SRBD1: variants seen among roughly 807,000 people sequenced by gnomAD.
SRBD1 encodes the protein S1 RNA-binding domain-containing protein 1.
A neutral mutation model predicts 115.3 loss-of-function variants in SRBD1; 88 were observed. That is an observed-to-expected ratio of 0.76 (90% CI 0.64 to 0.91). The LOEUF (loss-of-function observed/expected upper bound fraction) is 0.91. SRBD1 is among the 40% of genes least tolerant of loss of function. The probability of loss-of-function intolerance (pLI) is 0.00; values close to 1 mark genes in which losing one functional copy is unlikely to be tolerated. For synonymous variants in SRBD1, 509 were observed against 407.7 expected (o/e 1.25, Z -2.99); for missense variants, 1,385 against 1,177.4 (o/e 1.18, Z -2.58).
At chr2:45,562,569 T>C in intron 10 of SRBD1, 84 bp downstream of exon 10, 1 of 1,073,866 alleles carries the variant, frequency 9.3e-7, no homozygotes, top group Non-Finnish European at 1.3e-6. Flanking sequence ...GTAATAGACA[T>C]CTTTACATAT....
intron 11 of SRBD1, 98 bp downstream of exon 11, chr2:45,553,525 T>C: frequency 2.7e-6 from 2 of 743,618 alleles, no homozygotes; most frequent in East Asian, 6.1e-5. Flanking sequence ...TTCTTTCGAT[T>C]GGTTAATCAA....
intron 11 of SRBD1, 114 bp from the exon 12 acceptor site, chr2:45,551,396 T>C: frequency 1.8e-6 from 2 of 1,093,400 alleles, no homozygotes; most frequent in Non-Finnish European, 2.6e-6. Flanking sequence ...ATTATAACAA[T>C]ATAACTTAAG....
intron 7 of SRBD1, among the ~76,000 whole-genome samples, chr2:45,575,372 C>G (rs1673144795): frequency 6.6e-6 from 1 of 152,196 alleles, no homozygotes; most frequent in Non-Finnish European, 1.5e-5. Flanking sequence ...AGCAATGAAT[C>G]TTGTAAATCA....
chr2:45,493,538 C>T (rs761712324), intron 14 of SRBD1, among the ~76,000 whole-genome samples: 41 of 152,060 alleles, frequency 2.7e-4, no homozygotes, highest in African/African-American at 4.1e-4. Context: ...AGGCCAGGCA[C>T]GGTGGCACAC....
chr2:45,389,984 C>CT (rs201315742), intron 20 of SRBD1, among the ~76,000 whole-genome samples: 65 of 151,092 alleles, frequency 4.3e-4, no homozygotes, highest in African/African-American at 9.5e-4. Context: ...AGACTGGAAG[C>CT]TTTTTTTTTG....
chr2:45,440,488 T>C (rs1247441926), intron 16 of SRBD1, among the ~76,000 whole-genome samples: 1 of 152,192 alleles, frequency 6.6e-6, no homozygotes, highest in African/African-American at 2.4e-5. Context: ...AACATTAGTA[T>C]ATCTGAACTG....
At chr2:45,602,936 A>G (rs772602909) in intron 2 of SRBD1, among the ~76,000 whole-genome samples, 1 of 152,210 alleles carries the variant, frequency 6.6e-6, no homozygotes, top group Non-Finnish European at 1.5e-5. Context: ...GATAGGTCAA[A>G]CTACTGGTGT....
intron 15 of SRBD1, among the ~76,000 whole-genome samples, chr2:45,481,899 C>A (rs1669977629): frequency 6.6e-6 from 1 of 152,040 alleles, no homozygotes; most frequent in African/African-American, 2.4e-5. Context: ...TATGAACTGT[C>A]CAGAACAGGA....
intron 16 of SRBD1, among the ~76,000 whole-genome samples, chr2:45,462,842 T>G (rs1669360812): frequency 6.6e-6 from 1 of 151,622 alleles, no homozygotes; most frequent in Non-Finnish European, 1.5e-5. Flanking sequence ...AAAAGTACAC[T>G]AAGAAGGCTG....
At chr2:45,602,225 A>G (rs544750355) in intron 2 of SRBD1, 142 bp from the exon 3 acceptor site, 1 of 957,100 alleles carries the variant, frequency 1.0e-6, no homozygotes, top group African/African-American at 1.7e-5. Context: ...GGCTGTGAAC[A>G]GTTATTGCTA....
At chr2:45,585,834 A>C in intron 4 of SRBD1, 60 bp from the exon 5 acceptor site, 1 of 1,335,142 alleles carries the variant, frequency 7.5e-7, no homozygotes, top group Non-Finnish European at 1.0e-6. Flanking sequence ...TATATCATGT[A>C]TAATTTAAAA....
In SRBD1 at chr2:45,539,941, T is replaced by A. The variant is rs1399632248; in HGVS notation, c.1874+6791A>T. On this transcript the variant is annotated intron_variant, in intron 14 of 20. Coordinates refer to ENST00000263736, the MANE Select transcript of SRBD1 (RefSeq NM_018079.5). ...AGATTGTAAAATGCAAAATTTAACATGGTTTAAAAAAAGACAGGCTTGAAA... is the reference window on the plus strand; with the variant it reads ...AGATTGTAAAATGCAAAATTTAACAAGGTTTAAAAAAAGACAGGCTTGAAA... 1.2e-4 allele frequency among the ~76,000 whole-genome samples: 19 copies of A among 152,062 alleles called. 1 individual carries two copies. Among genetic ancestry groups the A allele is most frequent in the Admixed American group, 1.2e-3 (19 of 15,272 alleles).
intron 16 of SRBD1, among the ~76,000 whole-genome samples, chr2:45,444,707 A>C (rs1001411038): frequency 6.6e-6 from 1 of 152,216 alleles, no homozygotes; most frequent in Non-Finnish European, 1.5e-5. Flanking sequence ...TAATTTCAAT[A>C]ATCTTTTTCT....
intron 14 of SRBD1, among the ~76,000 whole-genome samples, chr2:45,522,233 G>C (rs1179591510): frequency 6.6e-6 from 1 of 151,720 alleles, no homozygotes; most frequent in Non-Finnish European, 1.5e-5. Flanking sequence ...GCCCAGGCTA[G>C]AGCAGTGGCA....
chr2:45,408,176 C>G (rs1010899302), intron 19 of SRBD1, among the ~76,000 whole-genome samples: 1 of 152,116 alleles, frequency 6.6e-6, no homozygotes, highest in Admixed American at 6.5e-5. Context: ...ATGACCTAAT[C>G]ACATCTTAAA....
chr2:45,565,856 C>T, intron 9 of SRBD1, among the ~76,000 whole-genome samples: 1 of 152,308 alleles, frequency 6.6e-6, no homozygotes, highest in East Asian at 1.9e-4. Flanking sequence ...GAACTCCTGA[C>T]CTCAGGCGAT....
chr2:45,498,099 T>C (rs1246630111), intron 14 of SRBD1, among the ~76,000 whole-genome samples: 1 of 152,192 alleles, frequency 6.6e-6, no homozygotes, highest in Non-Finnish European at 1.5e-5. Context: ...ACTATAGCTA[T>C]TTTAGTGGCT....
At chr2:45,596,417 A>G (rs1462313536) in intron 4 of SRBD1, among the ~76,000 whole-genome samples, 1 of 152,254 alleles carries the variant, frequency 6.6e-6, no homozygotes, top group Admixed American at 6.5e-5. Context: ...AACGGATTGC[A>G]GAACAAATTT....
intron 14 of SRBD1, among the ~76,000 whole-genome samples, chr2:45,520,197 G>A (rs779272647): frequency 2.6e-5 from 4 of 152,344 alleles, no homozygotes; most frequent in South Asian, 2.1e-4. Flanking sequence ...AAAAACAGCA[G>A]CAGGGTACCT....
Sources: gnomAD v4.1 joint callset for allele counts (sites outside exome capture counted in the v4.1 genomes callset) on GRCh38, gnomAD v4.1.1 for gene constraint, MANE v1.5 for transcripts, NCBI Gene and HGNC (gene_info 2026-07-23, HGNC 2026-07-21) for gene names.